Variants in SYNJ2 observed in about 807,000 individuals in gnomAD.
The protein encoded by SYNJ2 is polyphosphatidylinositol phosphatase SYNJ2.
Under a neutral mutation model 141.3 loss-of-function variants are expected in SYNJ2, and 116 were observed. The observed-to-expected ratio is 0.82, with a 90% CI of 0.71 to 0.96. The LOEUF is 0.96. SYNJ2 is among the 40% of genes least tolerant of loss of function. SYNJ2 has a pLI of 0.00. For synonymous variants in SYNJ2, 745 were observed against 777.7 expected (o/e 0.96, Z 0.70); for missense variants, 1,873 against 1,934.8 (o/e 0.97, Z 0.60).
At position 158,005,631 on chromosome 6, in the gene SYNJ2, G is replaced by A. The variant is rs115662418; in HGVS notation, c.128-11573G>A. 2.3e-3 allele frequency among the ~76,000 whole-genome samples: 356 copies of A among 151,926 alleles called. 1 individual carries two copies. Among genetic ancestry groups the A allele is most frequent in the African/African-American group, 8.2e-3 (339 of 41,418 alleles). The stretch of plus-strand genomic sequence containing the variant: ...TTCTGGAGATGCCCCACTACCACAC[G>A]GGCAGAGCGTACCATCAGGTCACAA... On this transcript the variant is annotated intron_variant, in intron 1 of 26. Transcript: ENST00000355585.
At chr6:158,034,725 T>C (rs753824525) in intron 4 of SYNJ2, among the ~76,000 whole-genome samples, 8 of 152,262 alleles carry the variant, frequency 5.3e-5, no homozygotes, top group Non-Finnish European at 7.3e-5. Flanking sequence ...ATGAGATTGC[T>C]TTTGGCATCT....
At chr6:158,080,479 TAAAAAA>T (rs61208089) in intron 18 of SYNJ2, among the ~76,000 whole-genome samples, 1 of 121,462 alleles carries the variant, frequency 8.2e-6, no homozygotes, top group East Asian at 2.3e-4. Flanking sequence ...TGACTCAAAA[TAAAAAA>T]AAAAAAAAAA....
At chr6:158,054,871 A>G (rs571511857) in intron 5 of SYNJ2, 96 bp from the exon 6 acceptor site, 2 of 1,339,316 alleles carry the variant, frequency 1.5e-6, no homozygotes, top group South Asian at 2.5e-5. Context: ...TGCCACATGC[A>G]GCCTGGCTGG....
chr6:158,047,805 A>AAAAAAC (rs1780337766), intron 5 of SYNJ2, among the ~76,000 whole-genome samples: 2 of 133,566 alleles, frequency 1.5e-5, no homozygotes, highest in African/African-American at 5.4e-5. Flanking sequence ...AAAAAAAAAA[A>AAAAAAC]CACACAGTAT....
At chr6:158,069,801 A>C in intron 14 of SYNJ2, 128 bp downstream of exon 14, 1 of 1,208,976 alleles carries the variant, frequency 8.3e-7, no homozygotes, top group South Asian at 2.3e-5. Flanking sequence ...ATTATTTTAG[A>C]TAAATGTAGC....
intron 2 of SYNJ2, among the ~76,000 whole-genome samples, chr6:158,018,855 A>G (rs1321007985): frequency 6.6e-6 from 1 of 152,194 alleles, no homozygotes; most frequent in Non-Finnish European, 1.5e-5. Flanking sequence ...TTTTCTGTGG[A>G]AATGTGCGGG....
intron 1 of SYNJ2, among the ~76,000 whole-genome samples, chr6:158,005,190 G>A (rs12194484): frequency 0.063 from 9,463 of 151,004 alleles, 450 homozygotes; most frequent in South Asian, 0.2. Context: ...CCATTCTCCT[G>A]CCTCAGCCTC....
At chr6:157,996,600 G>A (rs970481962) in intron 1 of SYNJ2, among the ~76,000 whole-genome samples, 12 of 152,108 alleles carry the variant, frequency 7.9e-5, no homozygotes, top group Non-Finnish European at 1.6e-4. Flanking sequence ...GTCCCCACCC[G>A]AAGTCATGTT....
At chr6:158,012,886 C>T (rs1286521893) in intron 1 of SYNJ2, among the ~76,000 whole-genome samples, 1 of 152,174 alleles carries the variant, frequency 6.6e-6, no homozygotes, top group African/African-American at 2.4e-5. Context: ...TTCTGCTGCT[C>T]TCAGAGGTTG....
At chr6:158,019,239 C>T (rs943964470) in intron 2 of SYNJ2, among the ~76,000 whole-genome samples, 4 of 152,176 alleles carry the variant, frequency 2.6e-5, no homozygotes, top group Admixed American at 1.3e-4. Flanking sequence ...TTACAGTAAC[C>T]GGCTCAAGGT....
chr6:158,033,489 C>T lies in SYNJ2; in HGVS notation c.520C>T (p.Gln174Ter), dbSNP rs568247670. ...QLLHVPLRQH[Q>*]VSCCDWLLKI... is the part of the protein sequence containing the mutation. Reference sequence around the variant, plus strand: ...GTTGCACGTGCCCTTGAGGCAGCACCAGGTGAGCTGCTGTGACTGGCTGCT... The same window carrying T: ...GTTGCACGTGCCCTTGAGGCAGCACTAGGTGAGCTGCTGTGACTGGCTGCT... Residue 174 changes from glutamine (Q) to a stop codon, truncating the protein, a stop_gained, in exon 4 of 27, where the codon CAG becomes TAG. Transcript: ENST00000355585. LOFTEE classifies it high-confidence loss of function. 1 of 1,614,206 alleles carries T rather than the reference C, an allele frequency of 6.2e-7. No individual in the cohort carries two copies. Among genetic ancestry groups the T allele is most frequent in the South Asian group, 1.1e-5 (1 of 91,086 alleles).
intron 17 of SYNJ2, among the ~76,000 whole-genome samples, chr6:158,077,225 C>T (rs182861629): frequency 6.6e-6 from 1 of 152,138 alleles, no homozygotes; most frequent in Non-Finnish European, 1.5e-5. Context: ...AACTCCCAAC[C>T]TCAGGTGATC....
intron 2 of SYNJ2, among the ~76,000 whole-genome samples, chr6:158,018,387 T>C (rs1300610255): frequency 1.3e-5 from 2 of 152,206 alleles, no homozygotes; most frequent in African/African-American, 4.8e-5. Context: ...TTCCTGATTC[T>C]CAGTCCCACC....
At chr6:158,041,857 C>G (rs142703967) in intron 4 of SYNJ2, among the ~76,000 whole-genome samples, 6 of 152,174 alleles carry the variant, frequency 3.9e-5, no homozygotes, top group Non-Finnish European at 7.3e-5. Context: ...TACAGGCATA[C>G]GCCACCATAC....
chr6:158,074,702 A>G lies in SYNJ2; in HGVS notation c.2256A>G (p.Glu752=). 2 of 1,613,724 alleles carry G rather than the reference A, an allele frequency of 1.2e-6. No individual in the cohort carries two copies. Among genetic ancestry groups the G allele is most frequent in the Non-Finnish European group, 1.7e-6 (2 of 1,179,948 alleles). The change falls in exon 16 of 27, where the codon GAA becomes GAG. Residue 752 remains glutamate, a synonymous_variant. Coordinates refer to ENST00000355585, the MANE Select transcript of SYNJ2 (RefSeq NM_003898.4). ...VKRQDWKKLL[E]FDQLQLQKSS... ...GCCAAGACTGGAAGAAACTTCTGGA[A>G]TTTGATCAACTACAGCTACAGAAAT... is the stretch of plus-strand genomic sequence containing the variant.
At chr6:157,991,634 A>C (rs998487581) in intron 1 of SYNJ2, among the ~76,000 whole-genome samples, 1 of 152,214 alleles carries the variant, frequency 6.6e-6, no homozygotes, top group Non-Finnish European at 1.5e-5. Context: ...AAGTTTTAAA[A>C]CTAAACATGT....
Position 158,071,997 on chromosome 6 carries a change from G to T in SYNJ2, c.2133+203G>T, listed in dbSNP as rs1017726608. On this transcript the variant is annotated intron_variant, in intron 15 of 26. Transcript: ENST00000355585. The surrounding 1 kb of genome is among the most constrained non-coding windows in gnomAD (Gnocchi z 4.3). Reference sequence around the variant, plus strand: ...TTAGCCACGTGCCTGGAGGGGGCCAGCTTTGCAGCATTTCCCGTTGCTGTA... The same window carrying T: ...TTAGCCACGTGCCTGGAGGGGGCCATCTTTGCAGCATTTCCCGTTGCTGTA... 1.3e-5 allele frequency among the ~76,000 whole-genome samples: 2 copies of T among 152,218 alleles called. No individual in the cohort carries two copies. The highest frequency in any genetic ancestry group is 2.9e-5 in the Non-Finnish European group (2 of 68,042).
chr6:158,074,467 A>G (rs1445392653), intron 15 of SYNJ2, 113 bp from the exon 16 acceptor site: 3 of 1,205,226 alleles, frequency 2.5e-6, no homozygotes, highest in Non-Finnish European at 1.2e-6. Context: ...TCTTTTTTCT[A>G]AGTAGCATTT....
intron 2 of SYNJ2, among the ~76,000 whole-genome samples, chr6:158,021,300 C>G (rs143530514): frequency 6.6e-6 from 1 of 152,202 alleles, no homozygotes; most frequent in African/African-American, 2.4e-5. Flanking sequence ...GTTCCCACTT[C>G]ACAGCTGAAC....
Sources: allele counts gnomAD v4.1 joint callset (sites outside exome capture counted in the v4.1 genomes callset), GRCh38; gene constraint gnomAD v4.1.1; non-coding constraint Gnocchi (gnomAD v3.1); transcripts MANE v1.5; gene names NCBI Gene and HGNC (gene_info 2026-07-23, HGNC 2026-07-21).